SULT1E1: variants seen among roughly 807,000 people sequenced by gnomAD.
The protein encoded by SULT1E1 is sulfotransferase family 1E member 1.
In SULT1E1, 36 loss-of-function variants were observed where a neutral mutation model predicts 33.6. That is an observed-to-expected ratio of 1.07 (90% confidence interval 0.82 to 1.41). SULT1E1 has a LOEUF of 1.41. Among genes scored for constraint, SULT1E1 ranks in the 40% most tolerant of loss-of-function variants. SULT1E1 has a pLI of 0.00. For synonymous variants in SULT1E1, 121 were observed against 111.7 expected (o/e 1.08, Z -0.53); for missense variants, 371 against 345.7 (o/e 1.07, Z -0.58).
chr4:69,849,615 CTCA>C (rs1407336687), intron 4 of SULT1E1, 52 bp from the exon 5 acceptor site: 4 of 1,487,836 alleles, frequency 2.7e-6, no homozygotes, highest in Admixed American at 2.4e-5. Context: ...TTCAAACAGT[CTCA>C]TCAAGATTTT....
chr4:69,829,002 G>T, the SULT1E1 span, among the ~76,000 whole-genome samples: 1 of 152,160 alleles, frequency 6.6e-6, no homozygotes, highest in Non-Finnish European at 1.5e-5. Flanking sequence ...ATCCCTGTGG[G>T]AGTCTTGTCC....
rs1426520843 is a variant in SULT1E1, at chr4:69,849,537, C to T, written c.396G>A (p.Lys132=). 6.2e-7 allele frequency: 1 copy of T among 1,607,926 alleles called. No homozygotes were observed. The highest frequency in any genetic ancestry group is 8.5e-7 in the Non-Finnish European group (1 of 1,177,108). ...CKIIYLCRNA[K]DVAVSFYYFF... ...AATAATAAAAGGAAACAGCCACATC[C>T]TTTGCATTCCGGCAAAGATAGATTA... Residue 132 remains lysine (K), a synonymous_variant, in exon 5 of 8, where the codon AAG becomes AAA. Transcript: ENST00000226444.
At chr4:69,859,060 T>C (rs1440705801) in intron 1 of SULT1E1, among the ~76,000 whole-genome samples, 1 of 152,164 alleles carries the variant, frequency 6.6e-6, no homozygotes, top group East Asian at 1.9e-4. Flanking sequence ...TTACAATGTA[T>C]GGATTTACTT....
At chr4:69,838,073 C>T (rs1310516640), downstream of SULT1E1, among the ~76,000 whole-genome samples, 2 of 152,098 alleles carry the variant, frequency 1.3e-5, no homozygotes, top group African/African-American at 2.4e-5. Flanking sequence ...ATAAAGTTTA[C>T]AGACTTTTCT....
intron 6 of SULT1E1, among the ~76,000 whole-genome samples, chr4:69,846,811 T>TA (rs1037513467): frequency 6.6e-6 from 1 of 151,772 alleles, no homozygotes; most frequent in Non-Finnish European, 1.5e-5. Flanking sequence ...GTAGTGGGTG[T>TA]AAAACAGGTA....
intron 6 of SULT1E1, 93 bp from the exon 7 acceptor site, chr4:69,844,434 C>T (rs1720936210): frequency 7.8e-6 from 7 of 896,706 alleles, no homozygotes; most frequent in Non-Finnish European, 1.1e-5. Context: ...TCTCTTTTCT[C>T]CTACTGATAT....
downstream of SULT1E1, chr4:69,838,593 A>G (rs1720833424): frequency 6.6e-6 from 1 of 152,036 alleles, no homozygotes. Flanking sequence ...GTGAAAATTT[A>G]TTTTCTCTTT....
At chr4:69,858,352 G>A (rs1429731597) in intron 1 of SULT1E1, among the ~76,000 whole-genome samples, 1 of 152,018 alleles carries the variant, frequency 6.6e-6, no homozygotes, top group Non-Finnish European at 1.5e-5. Context: ...AAGCAAGATG[G>A]TTATCATTTC....
the SULT1E1 span, among the ~76,000 whole-genome samples, chr4:69,825,903 C>G: frequency 6.7e-6 from 1 of 149,710 alleles, no homozygotes; most frequent in South Asian, 2.1e-4. Flanking sequence ...GTTTCTGGTG[C>G]TTTTCTAGTT....
intron 1 of SULT1E1, among the ~76,000 whole-genome samples, chr4:69,858,989 G>T (rs11573744): frequency 0.011 from 1,744 of 152,162 alleles, 27 homozygotes; most frequent in African/African-American, 0.04. Context: ...GAGAGGCAAA[G>T]TAGGTGGCAT....
intron 4 of SULT1E1, among the ~76,000 whole-genome samples, chr4:69,852,030 A>C (rs1721125871): frequency 6.6e-6 from 1 of 151,992 alleles, no homozygotes; most frequent in Non-Finnish European, 1.5e-5. Context: ...TGTAAATGAC[A>C]AGTTAATGGG....
At chr4:69,855,857 G>A (rs1721223132) in intron 2 of SULT1E1, among the ~76,000 whole-genome samples, 1 of 152,174 alleles carries the variant, frequency 6.6e-6, no homozygotes, top group African/African-American at 2.4e-5. Flanking sequence ...TCCTTAGGGA[G>A]CTAAAGGCCT....
chr4:69,842,095 C>A lies in SULT1E1; in HGVS notation c.784G>T (p.Asp262Tyr). ...GCTACTGTAAAGTGATTTTTCCAGT[C>A]TCCTGTAATTCCTGTAACAAAAAAG... ...SPFMRKGITG[D>Y]WKNHFTVALN... Residue 262 changes from aspartate to tyrosine, a missense_variant, in exon 8 of 8, where the codon GAC (aspartate) becomes TAC (tyrosine). Physicochemically the swap from Asp to Tyr is radical, Grantham distance 160 (BLOSUM62 -3). Transcript: ENST00000226444. 6.3e-7 allele frequency: 1 copy of A among 1,589,758 alleles called. No homozygotes were observed. Among genetic ancestry groups the A allele is most frequent in the South Asian group, 1.1e-5 (1 of 88,422 alleles).
the SULT1E1 span, among the ~76,000 whole-genome samples, chr4:69,832,828 A>G: frequency 6.6e-6 from 1 of 152,166 alleles, no homozygotes; most frequent in African/African-American, 2.4e-5. Context: ...CAGAGCAAGG[A>G]GCAAGATATA....
At chr4:69,826,215 G>A in the SULT1E1 span, among the ~76,000 whole-genome samples, 325 of 152,196 alleles carry the variant, frequency 2.1e-3, 1 homozygote, top group African/African-American at 7.4e-3. Flanking sequence ...ACTTCATTCT[G>A]GGGACATAAC....
intron 7 of SULT1E1, among the ~76,000 whole-genome samples, chr4:69,842,385 C>CTCCCAGGA (rs1159737505): frequency 6.6e-6 from 1 of 152,076 alleles, no homozygotes; most frequent in Non-Finnish European, 1.5e-5. Flanking sequence ...GCTGTTGGGG[C>CTCCCAGGA]TCCCAGGATA....
intron 1 of SULT1E1, among the ~76,000 whole-genome samples, chr4:69,859,536 T>C (rs181602750): frequency 1.8e-4 from 28 of 152,284 alleles, no homozygotes; most frequent in Admixed American, 2.6e-4. Flanking sequence ...AGAAGCTCTC[T>C]AGTTTCTACT....
At chr4:69,849,279 T>C in intron 5 of SULT1E1, 158 bp downstream of exon 5, 1 of 718,026 alleles carries the variant, frequency 1.4e-6, no homozygotes, top group East Asian at 3.1e-5. Flanking sequence ...CTGGACACAG[T>C]ATGCTTGCTC....
chr4:69,857,381 A>G, intron 2 of SULT1E1, 119 bp downstream of exon 2: 1 of 1,291,830 alleles, frequency 7.7e-7, no homozygotes, highest in South Asian at 1.7e-5. Context: ...TCCATATCAA[A>G]ACTACCGCAT....
Sources: gnomAD v4.1 joint callset for allele counts (sites outside exome capture counted in the v4.1 genomes callset) on GRCh38, gnomAD v4.1.1 for gene constraint, MANE v1.5 for transcripts, NCBI Gene and HGNC (gene_info 2026-07-23, HGNC 2026-07-21) for gene names.